Variants in AUTS2 observed in about 807,000 individuals in gnomAD.
AUTS2 encodes autism susceptibility gene 2 protein.
Under a neutral mutation model 112.4 loss-of-function variants are expected in AUTS2, and 17 were observed. That is an observed-to-expected ratio of 0.15 (90% CI 0.10 to 0.23). AUTS2 has a LOEUF of 0.23. Among genes scored for constraint, AUTS2 ranks in the 10% least tolerant of loss-of-function variants. The probability of loss-of-function intolerance (pLI) is 1.00; values close to 1 mark genes in which losing one functional copy is unlikely to be tolerated. For missense variants in AUTS2, 1,510 were observed against 1,701.6 expected, an observed-to-expected ratio of 0.89 and a Z score of 1.98; for synonymous variants, 751 against 702.7, an observed-to-expected ratio of 1.07 and a Z score of -1.09.
At chr7:70,129,725 CTGAGA>C (rs1050404454) in intron 3 of AUTS2, among the ~76,000 whole-genome samples, 2 of 152,128 alleles carry the variant, frequency 1.3e-5, no homozygotes, top group African/African-American at 4.8e-5. Flanking sequence ...AGCCAGAAGG[CTGAGA>C]TGAGAGTTGG....
At chr7:70,612,710 G>A (rs1466038561) in intron 5 of AUTS2, among the ~76,000 whole-genome samples, 1 of 152,074 alleles carries the variant, frequency 6.6e-6, no homozygotes, top group Non-Finnish European at 1.5e-5. Context: ...TTTTATTTGA[G>A]AGGTTACAAA....
chr7:69,728,917 C>T (rs1562841977), intron 1 of AUTS2, among the ~76,000 whole-genome samples: 1 of 152,056 alleles, frequency 6.6e-6, no homozygotes, highest in African/African-American at 2.4e-5. Context: ...TTCAAACGAA[C>T]ATTGGATTTT....
At chr7:70,491,013 G>T (rs1798207286) in intron 5 of AUTS2, among the ~76,000 whole-genome samples, 1 of 152,178 alleles carries the variant, frequency 6.6e-6, no homozygotes, top group Non-Finnish European at 1.5e-5. Context: ...GGCGGGTGTG[G>T]CATGGGCCAG....
chr7:70,132,381 T>G (rs1005769689), intron 3 of AUTS2, among the ~76,000 whole-genome samples: 2 of 152,024 alleles, frequency 1.3e-5, no homozygotes, highest in African/African-American at 4.8e-5. Context: ...CTTAAATGCT[T>G]TGTTACATTA....
chr7:69,658,836 A>G (rs1355124227), intron 1 of AUTS2, among the ~76,000 whole-genome samples: 1 of 152,220 alleles, frequency 6.6e-6, no homozygotes, highest in Non-Finnish European at 1.5e-5. Flanking sequence ...TAAAAAGTAA[A>G]TACTGCAGAG....
chr7:69,751,585 G>C (rs1041069492), intron 1 of AUTS2, among the ~76,000 whole-genome samples: 6 of 152,168 alleles, frequency 3.9e-5, no homozygotes, highest in Non-Finnish European at 4.4e-5. Flanking sequence ...TTATTGACCT[G>C]AACTTCAGGC....
intron 5 of AUTS2, among the ~76,000 whole-genome samples, chr7:70,660,353 A>G (rs1807005184): frequency 6.6e-6 from 1 of 152,204 alleles, no homozygotes. Context: ...GACAGACCTC[A>G]GACTCTGTGC....
chr7:70,297,131 T>C (rs916840454), intron 4 of AUTS2, among the ~76,000 whole-genome samples: 1 of 151,802 alleles, frequency 6.6e-6, no homozygotes. Context: ...ATTACAGATG[T>C]AAGCTGCTAT....
At chr7:70,038,502 G>A (rs985905974) in intron 2 of AUTS2, among the ~76,000 whole-genome samples, 39 of 151,962 alleles carry the variant, frequency 2.6e-4, no homozygotes, top group African/African-American at 8.2e-4. Flanking sequence ...ACCTAACTAC[G>A]CAAATTAGGC....
intron 5 of AUTS2, among the ~76,000 whole-genome samples, chr7:70,609,961 TG>T (rs1365735009): frequency 0.011 from 234 of 22,062 alleles, no homozygotes; most frequent in African/African-American, 0.032. Flanking sequence ...TTCTGTTTTT[TG>T]TTGTTGTTGT....
chr7:69,999,197 C>T (rs1214417933), intron 2 of AUTS2, among the ~76,000 whole-genome samples: 2 of 151,994 alleles, frequency 1.3e-5, no homozygotes, highest in African/African-American at 2.4e-5. Context: ...TTTTTGAACT[C>T]GACATAAATT....
intron 6 of AUTS2, among the ~76,000 whole-genome samples, chr7:70,735,059 A>T (rs1199915435): frequency 1.3e-5 from 2 of 152,070 alleles, no homozygotes; most frequent in African/African-American, 4.8e-5. Context: ...TTCTCATTTT[A>T]TAAGACCTTA....
chr7:70,156,647 C>T (rs1253210032), intron 4 of AUTS2, among the ~76,000 whole-genome samples: 1 of 152,034 alleles, frequency 6.6e-6, no homozygotes, highest in Non-Finnish European at 1.5e-5. Context: ...CAAGACCTCA[C>T]CACTTCCAGT....
At chr7:70,422,216 A>G (rs1795252918) in intron 4 of AUTS2, among the ~76,000 whole-genome samples, 1 of 152,154 alleles carries the variant, frequency 6.6e-6, no homozygotes, top group African/African-American at 2.4e-5. Context: ...GTTTCTCACT[A>G]TCTTGCATTT....
intron 5 of AUTS2, among the ~76,000 whole-genome samples, chr7:70,537,300 C>T (rs1800363630): frequency 6.6e-6 from 1 of 152,182 alleles, no homozygotes. Context: ...TACATCCATC[C>T]ACTCCCAGTA....
intron 1 of AUTS2, among the ~76,000 whole-genome samples, chr7:69,817,741 C>T (rs761078828): frequency 1.4e-4 from 21 of 152,094 alleles, no homozygotes; most frequent in Non-Finnish European, 2.5e-4. Flanking sequence ...CCTTGGGTGG[C>T]GGGACAGCCC....
At chr7:70,561,948 A>C (rs886171472) in intron 5 of AUTS2, among the ~76,000 whole-genome samples, 1 of 152,114 alleles carries the variant, frequency 6.6e-6, no homozygotes, top group Non-Finnish European at 1.5e-5. Context: ...TGGATCCCTC[A>C]TGAACGGCTT....
At chr7:70,044,444 TG>T (rs1426665656) in intron 2 of AUTS2, among the ~76,000 whole-genome samples, 1 of 152,184 alleles carries the variant, frequency 6.6e-6, no homozygotes. Context: ...TTTTTTGGGA[TG>T]GCCTGGGGAT....
chr7:69,837,291 T>C (rs1222137547), intron 1 of AUTS2, among the ~76,000 whole-genome samples: 1 of 152,160 alleles, frequency 6.6e-6, no homozygotes, highest in Non-Finnish European at 1.5e-5. Flanking sequence ...CCCTAGTCCT[T>C]TATTTCTTAC....
Sources: allele counts gnomAD v4.1 joint callset (sites outside exome capture counted in the v4.1 genomes callset), GRCh38; gene constraint gnomAD v4.1.1; transcripts MANE v1.5; gene names NCBI Gene and HGNC (gene_info 2026-07-23, HGNC 2026-07-21).